Variants in SPMIP4 observed in about 807,000 individuals in gnomAD.
The protein encoded by SPMIP4 is sperm microtubule inner protein 4, also known as sperm-associated microtubule inner protein 4.
the SPMIP4 span, chr7:25,158,368 CAAAAA>C: frequency 8.5e-4 from 255 of 301,558 alleles, no homozygotes; most frequent in East Asian, 2.2e-3. Context: ...GACTCTGTCT[CAAAAA>C]AAAAAAAAAA....
chr7:25,136,904 G>C, the SPMIP4 span: 1 of 1,028,330 alleles, frequency 9.7e-7, no homozygotes. This position sits in a 1 kb window ranked among gnomAD's most constrained non-coding sequence, Gnocchi z 5.7. Flanking sequence ...ATGGGCATAG[G>C]AGTGTACATT....
chr7:25,173,751 TA>T, the SPMIP4 span, among the ~76,000 whole-genome samples: 1 of 152,234 alleles, frequency 6.6e-6, no homozygotes, highest in Admixed American at 6.5e-5. The surrounding 1 kb of genome is among the most constrained non-coding windows in gnomAD (Gnocchi z 4.4). Context: ...ATTCAAAACC[TA>T]AATGAGTCAA....
At chr7:25,161,168 AG>A in the SPMIP4 span, 1 of 1,435,174 alleles carries the variant, frequency 7.0e-7, no homozygotes, top group Non-Finnish European at 9.5e-7. Context: ...ATTTTATATA[AG>A]GAAAAAAACC....
At chr7:25,129,163 C>G in the SPMIP4 span, among the ~76,000 whole-genome samples, 3 of 152,358 alleles carry the variant, frequency 2.0e-5, no homozygotes, top group South Asian at 2.1e-4. Context: ...AGGTCATGTA[C>G]ATTCTAAGCC....
chr7:25,175,781 T>C, the SPMIP4 span, among the ~76,000 whole-genome samples: 1 of 152,200 alleles, frequency 6.6e-6, no homozygotes, highest in Non-Finnish European at 1.5e-5. Flanking sequence ...CCACGGACCC[T>C]GCACTTGGTC....
At chr7:25,129,482 T>C in the SPMIP4 span, among the ~76,000 whole-genome samples, 4 of 152,186 alleles carry the variant, frequency 2.6e-5, no homozygotes, top group Non-Finnish European at 4.4e-5. Flanking sequence ...TGATTCTCTA[T>C]GCCATGTGGC....
At chr7:25,161,479 C>T in the SPMIP4 span, among the ~76,000 whole-genome samples, 7 of 152,010 alleles carry the variant, frequency 4.6e-5, no homozygotes, top group Non-Finnish European at 8.8e-5. Context: ...TCAAGAGATC[C>T]TCCTGCCTTG....
the SPMIP4 span, chr7:25,161,257 CT>C: frequency 6.6e-7 from 1 of 1,516,392 alleles, no homozygotes; most frequent in Non-Finnish European, 9.0e-7. Context: ...CAACAGGAAG[CT>C]TTCTGAAAAG....
the SPMIP4 span, among the ~76,000 whole-genome samples, chr7:25,151,908 G>C: frequency 6.6e-6 from 1 of 151,884 alleles, no homozygotes; most frequent in Non-Finnish European, 1.5e-5. Flanking sequence ...TTGAACCCTT[G>C]GGCTCAAATG....
chr7:25,155,188 T>C, the SPMIP4 span: 1 of 1,539,480 alleles, frequency 6.5e-7, no homozygotes, highest in South Asian at 1.2e-5. Flanking sequence ...GGCAAGCAGA[T>C]CTCTCTAAGA....
chr7:25,148,444 T>C, the SPMIP4 span, among the ~76,000 whole-genome samples: 586 of 149,884 alleles, frequency 3.9e-3, 6 homozygotes, highest in African/African-American at 0.014. Flanking sequence ...AATTAATAGA[T>C]CTGAGAAAGG....
At chr7:25,134,354 CA>C in the SPMIP4 span, among the ~76,000 whole-genome samples, 18 of 123,932 alleles carry the variant, frequency 1.5e-4, no homozygotes, top group Non-Finnish European at 7.1e-5. Context: ...AAAAAAAAAC[CA>C]AAAAAACAAA....
the SPMIP4 span, chr7:25,142,811 G>A: frequency 9.9e-6 from 15 of 1,515,226 alleles, no homozygotes; most frequent in Admixed American, 4.9e-5. Flanking sequence ...ACACCTCTGG[G>A]AAACTAAAAT....
At chr7:25,137,493 ATTGT>A in the SPMIP4 span, among the ~76,000 whole-genome samples, 1 of 152,018 alleles carries the variant, frequency 6.6e-6, no homozygotes, top group South Asian at 2.1e-4. Context: ...ATAGAAATTT[ATTGT>A]CTCATAGTTC....
At chr7:25,157,627 T>C in the SPMIP4 span, among the ~76,000 whole-genome samples, 1 of 152,184 alleles carries the variant, frequency 6.6e-6, no homozygotes, top group African/African-American at 2.4e-5. Flanking sequence ...GGGGGCATTC[T>C]ACAAAATATC....
the SPMIP4 span, among the ~76,000 whole-genome samples, chr7:25,164,436 T>C: frequency 4.7e-4 from 72 of 152,124 alleles, 1 homozygote; most frequent in African/African-American, 1.7e-3. Context: ...ACACCTAGTA[T>C]TGTCTTCAGT....
the SPMIP4 span, among the ~76,000 whole-genome samples, chr7:25,151,868 T>C: frequency 2.0e-5 from 3 of 152,206 alleles, no homozygotes; most frequent in African/African-American, 7.2e-5. Flanking sequence ...TTTTTTAAGA[T>C]AGCGTCTTGC....
chr7:25,167,716 G>A, the SPMIP4 span, among the ~76,000 whole-genome samples: 1 of 152,224 alleles, frequency 6.6e-6, no homozygotes, highest in Non-Finnish European at 1.5e-5. Context: ...AAAGCAGGAG[G>A]AAGCAGGCTC....
At chr7:25,135,844 A>G in the SPMIP4 span, 2 of 1,408,862 alleles carry the variant, frequency 1.4e-6, no homozygotes, top group Non-Finnish European at 1.8e-6. Flanking sequence ...ATTCCTGAAA[A>G]TGTAAACCTC....
Sources: gnomAD v4.1 joint callset for allele counts (sites outside exome capture counted in the v4.1 genomes callset) on GRCh38, gnomAD v4.1.1 for gene constraint, Gnocchi (gnomAD v3.1) non-coding constraint, MANE v1.5 for transcripts, NCBI Gene and HGNC (gene_info 2026-07-23, HGNC 2026-07-21) for gene names.